The following WDR3 variants were observed in gnomAD, a reference collection of about 807,000 sequenced individuals.
WDR3 encodes the protein WD repeat-containing protein 3.
WDR3 carries 81 observed loss-of-function variants against 123.7 expected under a neutral mutation model. That is an observed-to-expected ratio of 0.65 (90% CI 0.55 to 0.79). The LOEUF is 0.79. WDR3 is among the 30% of genes least tolerant of loss of function. The pLI is 0.00. For synonymous variants in WDR3, 390 were observed against 388.8 expected (o/e 1.00, Z -0.04); for missense variants, 1,027 against 1,123.2 (o/e 0.91, Z 1.22).
rs1315649125 is a variant in WDR3 at position 117,952,372 on chromosome 1, G to T, written c.1980G>T (p.Trp660Cys). 6.2e-7 allele frequency: 1 copy of T among 1,613,324 alleles called. No individual in the cohort carries two copies. The highest frequency in any genetic ancestry group is 1.1e-5 in the South Asian group (1 of 91,000). ...GAAAAGATCATAAGATTAAACAGTG[G>T]GATGCAGACAAATTTGAACACATAC... Reference protein sequence around the residue: ...TAGKDHKIKQWDADKFEHIQT... With the variant: ...TAGKDHKIKQCDADKFEHIQT... The change falls in exon 18 of 27, where the codon TGG becomes TGT. Residue 660 changes from tryptophan to cysteine, a missense_variant. Transcript: ENST00000349139.
At chr1:117,930,006 G>C (rs773810210) in intron 1 of WDR3, 2 of 152,538 alleles carry the variant, frequency 1.3e-5, no homozygotes, top group African/African-American at 2.4e-5. Flanking sequence ...AGAGCTGCCT[G>C]ACCGTGCGTG....
chr1:117,963,675 TTTCA>T lies in WDR3; in HGVS notation c.*4237_*4240del. ...CACCGGGCCCGGCCTAAACAAATAT[TTTCA>T]TTCATTCAGGCCAGGTGGCTTATAG... is the stretch of plus-strand genomic sequence containing the variant. On this transcript the variant is annotated 3_prime_UTR_variant, in exon 27 of 27. Transcript: ENST00000349139. 1.1e-6 allele frequency: 1 copy of T among 910,104 alleles called. No individual in the cohort carries two copies. The allele number at this position is 910,104 out of a possible 1,614,324, so 56.4% of individuals were successfully genotyped here.
At chr1:117,949,155 T>C (rs986608689) in intron 13 of WDR3, among the ~76,000 whole-genome samples, 4 of 152,158 alleles carry the variant, frequency 2.6e-5, no homozygotes, top group African/African-American at 9.7e-5. Flanking sequence ...TCTAAAATAG[T>C]AATAAATCTT....
At chr1:117,937,700 G>A (rs1650994109) in intron 4 of WDR3, among the ~76,000 whole-genome samples, 1 of 152,160 alleles carries the variant, frequency 6.6e-6, no homozygotes, top group Admixed American at 6.6e-5. Context: ...AGGTTTTTGA[G>A]CGGTGTTTTT....
In WDR3 at chr1:117,938,466, GTTTC is replaced by G; in HGVS notation, c.501-11_501-8del. Reference sequence around the variant, plus strand: ...TAAACAGGCTATATATTTTTTTCCTGTTTCTTCTTTTAGTGGGAAAGATACCATG... The same window carrying G: ...TAAACAGGCTATATATTTTTTTCCTGTTCTTTTAGTGGGAAAGATACCATG... On this transcript the variant is annotated splice_polypyrimidine_tract_variant and intron_variant, in intron 4 of 26. Transcript: ENST00000349139. The G allele has an allele frequency of 1.2e-6, 2 of 1,608,442 alleles. No homozygotes were observed. Among genetic ancestry groups the G allele is most frequent in the Non-Finnish European group, 1.7e-6 (2 of 1,177,278 alleles).
intron 18 of WDR3, 30 bp from the exon 19 acceptor site, chr1:117,952,498 G>C (rs772167850): frequency 6.3e-7 from 1 of 1,598,290 alleles, no homozygotes; most frequent in African/African-American, 1.4e-5. Context: ...CAATGAATGA[G>C]GTATTCTTTA....
At position 117,957,211 on chromosome 1, in the gene WDR3, C is replaced by T. The variant is rs909018643; in HGVS notation, c.2582+15C>T. ...TTCCTCCTTAGGTAACATCCTTTTC[C>T]AAAGAATACCATGTCTGTTCAGCAG... On this transcript the variant is annotated intron_variant, in intron 25 of 26. Transcript: ENST00000349139. The T allele has an allele frequency of 6.2e-7, 1 of 1,606,088 alleles. No homozygotes were observed. The highest frequency in any genetic ancestry group is 8.5e-7 in the Non-Finnish European group (1 of 1,177,188).
In WDR3 at chr1:117,952,046, G is replaced by C; in HGVS notation, c.1874G>C (p.Cys625Ser). The stretch of plus-strand genomic sequence containing the variant: ...ATCTGGGGTTTGGACTTTGGGGACT[G>C]CCACAAGTCTCTCTTTGCACATGAT... ...VKIWGLDFGD[C>S]HKSLFAHDDS... The change falls in exon 17 of 27, where the codon TGC (cysteine) becomes TCC (serine). Residue 625 changes from cysteine (C) to serine (S), a missense_variant. By Grantham distance (112) the Cys-to-Ser change is moderately radical (BLOSUM62 -1). Transcript: ENST00000349139. 6.2e-7 allele frequency: 1 copy of C among 1,613,368 alleles called. No homozygotes were observed. Among genetic ancestry groups the C allele is most frequent in the Non-Finnish European group, 8.5e-7 (1 of 1,179,436 alleles).
chr1:117,939,570 G>T lies in WDR3; in HGVS notation c.673G>T (p.Glu225Ter), dbSNP rs199566416. 6.1e-5 allele frequency: 98 copies of T among 1,613,352 alleles called. No individual in the cohort carries two copies. The highest frequency in any genetic ancestry group is 8.1e-5 in the Non-Finnish European group (95 of 1,179,508). The part of the protein sequence containing the change: ...LRVWDIAYLQ[E>*]IEDPEEPDPK... The stretch of plus-strand genomic sequence containing the variant: ...GGTATGGGACATAGCTTATCTGCAA[G>T]AGGTAATTACTTCTTAAAATCATGG... The change falls in exon 6 of 27, where the codon GAG becomes TAG. Residue 225 changes from glutamate (E) to a stop codon, truncating the protein, a stop_gained and splice_region_variant. Transcript: ENST00000349139. LOFTEE classifies it high-confidence loss of function.
At chr1:117,943,303 A>G (rs990440542) in intron 10 of WDR3, 93 bp from the exon 11 acceptor site, 14 of 1,077,308 alleles carry the variant, frequency 1.3e-5, no homozygotes, top group Non-Finnish European at 1.9e-5. Flanking sequence ...AACTTTATAT[A>G]GATAGAGGAC....
chr1:117,955,279 A>G, intron 23 of WDR3, 36 bp from the exon 24 acceptor site: 1 of 1,569,498 alleles, frequency 6.4e-7, no homozygotes, highest in South Asian at 1.1e-5. Context: ...AAACCAACCA[A>G]GAGTATCACT....
intron 3 of WDR3, among the ~76,000 whole-genome samples, chr1:117,935,390 G>GT (rs1232402867): frequency 1.3e-5 from 2 of 151,858 alleles, no homozygotes; most frequent in African/African-American, 2.4e-5. Context: ...TAAAACAGGG[G>GT]TTTTAGATAT....
chr1:117,940,962 A>C (rs1400577382), intron 7 of WDR3, 22 bp downstream of exon 7: 4 of 1,599,106 alleles, frequency 2.5e-6, no homozygotes, highest in East Asian at 4.5e-5. Context: ...TCATTTCTTA[A>C]GTTTAATTGT....
chr1:117,938,809 TAA>T (rs1651036558), intron 5 of WDR3, among the ~76,000 whole-genome samples: 1 of 152,204 alleles, frequency 6.6e-6, no homozygotes, highest in Non-Finnish European at 1.5e-5. Flanking sequence ...TTCTAAATAA[TAA>T]GTGTCCACTT....
chr1:117,946,273 T>A (rs997432053), intron 12 of WDR3, 94 bp downstream of exon 12: 1 of 941,052 alleles, frequency 1.1e-6, no homozygotes, highest in Non-Finnish European at 1.6e-6. Context: ...ATATTGGAAA[T>A]GGACTGGAGC....
chr1:117,945,061 G>C (rs6703044), intron 11 of WDR3, among the ~76,000 whole-genome samples: 145,253 of 152,200 alleles, frequency 0.95, 69,377 homozygotes, highest in East Asian at 1. Context: ...ACCTTCAAAA[G>C]TGATCCCAAA....
rs1652954598 is a variant in WDR3, at chr1:117,960,662, A to T, written c.*1215A>T. The T allele has an allele frequency of 6.6e-6, 1 of 152,252 alleles. No individual in the cohort carries two copies. The highest frequency in any genetic ancestry group is 1.5e-5 in the Non-Finnish European group (1 of 68,038). The allele number at this position is 152,252 out of a possible 1,614,324, so 9.4% of individuals were successfully genotyped here. A position where few individuals can be genotyped will look rare whatever the true frequency, so the allele number is the denominator to read the frequency against. ...GTGCATACGCACAACACTTGAGCTC[A>T]CTGCATAGCAACAGGAGGTGGCTGT... On this transcript the variant is annotated 3_prime_UTR_variant, in exon 27 of 27. Transcript: ENST00000349139.
At chr1:117,959,176 A>G in intron 26 of WDR3, 116 bp from the exon 27 acceptor site, 18 of 1,393,964 alleles carry the variant, frequency 1.3e-5, no homozygotes, top group Non-Finnish European at 1.7e-5. Context: ...AAAAGTTCTT[A>G]ATGAGGGAAA....
intron 12 of WDR3, 57 bp downstream of exon 12, chr1:117,946,236 T>C: frequency 7.2e-7 from 1 of 1,396,640 alleles, no homozygotes; most frequent in Non-Finnish European, 9.9e-7. Context: ...ATTCATAAAG[T>C]TAAGAAATCT....
Sources: gnomAD v4.1 joint callset for allele counts (sites outside exome capture counted in the v4.1 genomes callset) on GRCh38, gnomAD v4.1.1 for gene constraint, MANE v1.5 for transcripts, NCBI Gene and HGNC (gene_info 2026-07-23, HGNC 2026-07-21) for gene names.